TAFA1: variants seen among roughly 807,000 people sequenced by gnomAD.
TAFA1 encodes the protein TAFA chemokine like family member 1.
A neutral mutation model predicts 18.5 loss-of-function variants in TAFA1; 4 were observed. The ratio of observed to expected loss-of-function variants is 0.22; its 90% CI spans 0.11 to 0.49. The LOEUF (loss-of-function observed/expected upper bound fraction) is 0.49. Ranked by LOEUF, TAFA1 falls within the 20% of genes least tolerant of loss-of-function variation. The pLI, the probability that TAFA1 is intolerant of heterozygous loss-of-function variation, is 0.98. For missense variants in TAFA1, 147 were observed against 169.0 expected, an observed-to-expected ratio of 0.87 and a Z score of 0.72; for synonymous variants, 56 against 55.2, an observed-to-expected ratio of 1.01 and a Z score of -0.06.
intron 2 of TAFA1, among the ~76,000 whole-genome samples, chr3:68,319,523 C>A (rs1190925989): frequency 6.6e-6 from 1 of 152,188 alleles, no homozygotes; most frequent in Admixed American, 6.5e-5. Flanking sequence ...TCCAAAATAT[C>A]AATACTGCAA....
intron 2 of TAFA1, among the ~76,000 whole-genome samples, chr3:68,147,341 T>C (rs367844185): frequency 2.1e-3 from 321 of 152,010 alleles, no homozygotes; most frequent in African/African-American, 7.5e-3. Flanking sequence ...TGATCTTCAA[T>C]AGTTTACCCG....
rs541171076 is a variant in TAFA1, at chr3:68,382,173, C to T, written c.119-35107C>T. ...AAGCTTTTTGATGTGCTGCTGGATT[C>T]GGTTTGCCAGTATTTTATTGAGGAT... On this transcript the variant is annotated intron_variant, in intron 2 of 4. Coordinates refer to ENST00000478136, the MANE Select transcript of TAFA1 (RefSeq NM_213609.4). 1.0e-3 allele frequency among the ~76,000 whole-genome samples: 158 copies of T among 152,198 alleles called. 1 individual carries two copies. Among genetic ancestry groups the T allele is most frequent in the Non-Finnish European group, 6.9e-4 (47 of 68,010 alleles).
intron 3 of TAFA1, among the ~76,000 whole-genome samples, chr3:68,497,407 C>T (rs2072567104): frequency 6.6e-6 from 1 of 152,098 alleles, no homozygotes; most frequent in Non-Finnish European, 1.5e-5. Context: ...ACACCTATGA[C>T]TGTGCACATT....
intron 3 of TAFA1, among the ~76,000 whole-genome samples, chr3:68,486,193 C>T (rs1337177868): frequency 1.3e-5 from 2 of 151,398 alleles, no homozygotes; most frequent in Non-Finnish European, 2.9e-5. Flanking sequence ...TCTCAAACTT[C>T]TGGGCTCAAG....
At chr3:68,444,020 C>T (rs1392480565) in intron 3 of TAFA1, among the ~76,000 whole-genome samples, 1 of 152,290 alleles carries the variant, frequency 6.6e-6, no homozygotes, top group South Asian at 2.1e-4. Flanking sequence ...TTGTAAATAT[C>T]CCCACTTGGG....
intron 2 of TAFA1, among the ~76,000 whole-genome samples, chr3:68,091,274 A>C (rs1353899502): frequency 6.6e-6 from 1 of 152,192 alleles, no homozygotes; most frequent in Non-Finnish European, 1.5e-5. Context: ...TAGTCTAATA[A>C]AGAAGTATGC....
intron 3 of TAFA1, among the ~76,000 whole-genome samples, chr3:68,508,468 A>C (rs530994793): frequency 6.9e-6 from 1 of 145,068 alleles, no homozygotes; most frequent in African/African-American, 2.5e-5. Flanking sequence ...TAGCAACTCT[A>C]TGCTGTGGAT....
At chr3:68,519,452 A>G (rs1456907519) in intron 3 of TAFA1, among the ~76,000 whole-genome samples, 7 of 152,228 alleles carry the variant, frequency 4.6e-5, no homozygotes, top group Non-Finnish European at 1.5e-5. Flanking sequence ...GACAAAGCCA[A>G]TTGTTAATGA....
chr3:68,451,445 G>A lies in TAFA1; in HGVS notation c.259+34025G>A, dbSNP rs529164204. On this transcript the variant is annotated intron_variant, in intron 3 of 4. Coordinates refer to ENST00000478136, the MANE Select transcript of TAFA1 (RefSeq NM_213609.4). ...TGAAGGAATGCAAGACAAAGTAAAC[G>A]ACTAATTTAGTGATGTTTCAAAAGA... Among the ~76,000 whole-genome samples, 6 of 152,232 alleles carry A rather than the reference G, an allele frequency of 3.9e-5. No homozygotes were observed. In the South Asian group the frequency reaches 6.2e-4, roughly 16 times the overall value.
chr3:68,205,027 A>T (rs940776225), intron 2 of TAFA1, among the ~76,000 whole-genome samples: 1 of 151,832 alleles, frequency 6.6e-6, no homozygotes, highest in Non-Finnish European at 1.5e-5. Context: ...ACAGTGTAAA[A>T]CTGACCTTGA....
chr3:68,529,445 A>G (rs1243835971), intron 3 of TAFA1, among the ~76,000 whole-genome samples: 1 of 77,284 alleles, frequency 1.3e-5, no homozygotes, highest in Non-Finnish European at 2.5e-5. Flanking sequence ...CTAAAAAAAA[A>G]AAAAAAAAAA....
chr3:68,505,841 A>G (rs1160966821), intron 3 of TAFA1, among the ~76,000 whole-genome samples: 2 of 151,742 alleles, frequency 1.3e-5, no homozygotes, highest in Non-Finnish European at 2.9e-5. Context: ...CAATAAAACA[A>G]TCATGGGAGT....
chr3:68,294,687 C>T (rs1206660227), intron 2 of TAFA1, among the ~76,000 whole-genome samples: 1 of 152,018 alleles, frequency 6.6e-6, no homozygotes, highest in Non-Finnish European at 1.5e-5. Flanking sequence ...GAGTTCGAGA[C>T]CAGCCTGGGC....
intron 2 of TAFA1, among the ~76,000 whole-genome samples, chr3:68,395,245 C>A (rs1203087442): frequency 6.6e-6 from 1 of 152,022 alleles, no homozygotes; most frequent in Non-Finnish European, 1.5e-5. Flanking sequence ...CAATGAGATA[C>A]CATCTCAACC....
chr3:68,498,503 T>C (rs77105342), intron 3 of TAFA1, among the ~76,000 whole-genome samples: 21 of 152,258 alleles, frequency 1.4e-4, no homozygotes, highest in African/African-American at 5.1e-4. Flanking sequence ...GGTCTGAGTA[T>C]CTGCATTTCC....
At chr3:68,332,467 G>A (rs1430746956) in intron 2 of TAFA1, among the ~76,000 whole-genome samples, 1 of 152,158 alleles carries the variant, frequency 6.6e-6, no homozygotes, top group African/African-American at 2.4e-5. Context: ...TCAACAAAAT[G>A]AAAGGCAACC....
At chr3:68,472,978 G>A (rs2072028559) in intron 3 of TAFA1, among the ~76,000 whole-genome samples, 1 of 152,174 alleles carries the variant, frequency 6.6e-6, no homozygotes, top group African/African-American at 2.4e-5. Flanking sequence ...GGGCTAAGGT[G>A]GGAGGAGTGA....
chr3:68,409,204 CT>C (rs1444791824), intron 2 of TAFA1, among the ~76,000 whole-genome samples: 14 of 152,124 alleles, frequency 9.2e-5, no homozygotes, highest in African/African-American at 3.1e-4. Context: ...CCAATTTACA[CT>C]CCCCCCTTAG....
intron 2 of TAFA1, among the ~76,000 whole-genome samples, chr3:68,338,681 T>C (rs1355508260): frequency 6.6e-6 from 1 of 152,224 alleles, no homozygotes; most frequent in Non-Finnish European, 1.5e-5. Flanking sequence ...TCCAAACCTG[T>C]ATACAAGGTT....
Sources: allele counts gnomAD v4.1 joint callset (sites outside exome capture counted in the v4.1 genomes callset), GRCh38; gene constraint gnomAD v4.1.1; transcripts MANE v1.5; gene names NCBI Gene and HGNC (gene_info 2026-07-23, HGNC 2026-07-21).